Variants in CPXM2 observed in about 807,000 individuals in gnomAD.
CPXM2 encodes the protein inactive carboxypeptidase-like protein X2.
CPXM2 carries 66 observed loss-of-function variants against 86.1 expected under a neutral mutation model. The ratio of observed to expected loss-of-function variants is 0.77; its 90% CI spans 0.63 to 0.94. The LOEUF (loss-of-function observed/expected upper bound fraction) is 0.94. Among genes scored for constraint, CPXM2 ranks in the 40% least tolerant of loss-of-function variants. The pLI, the probability that CPXM2 is intolerant of heterozygous loss-of-function variation, is 0.00. For synonymous variants in CPXM2, 388 were observed against 400.2 expected (o/e 0.97, Z 0.36); for missense variants, 948 against 1,026.3 (o/e 0.92, Z 1.04).
intron 2 of CPXM2, among the ~76,000 whole-genome samples, chr10:123,905,578 C>G (rs1470498409): frequency 6.6e-6 from 1 of 152,162 alleles, no homozygotes; most frequent in Non-Finnish European, 1.5e-5. Flanking sequence ...GAGGGATGGC[C>G]CAACCCAGCA....
intron 13 of CPXM2, among the ~76,000 whole-genome samples, chr10:123,749,725 C>A (rs1846034002): frequency 6.6e-6 from 1 of 152,260 alleles, no homozygotes; most frequent in Non-Finnish European, 1.5e-5. Context: ...GTTCCCAACT[C>A]CTGTGCCAGG....
chr10:123,845,994 A>G (rs1453823317), intron 3 of CPXM2, among the ~76,000 whole-genome samples: 1 of 152,152 alleles, frequency 6.6e-6, no homozygotes, highest in African/African-American at 2.4e-5. Flanking sequence ...ATCAATCATG[A>G]TGGCAAAATA....
Position 123,792,809 on chromosome 10 carries a change from T to C in CPXM2, c.889+5167A>G, listed in dbSNP as rs182265816. 6.6e-5 allele frequency among the ~76,000 whole-genome samples: 10 copies of C among 152,264 alleles called. No homozygotes were observed. In the East Asian group the frequency reaches 1.2e-3, roughly 18 times the overall value. Reference sequence around the variant, plus strand: ...CAGAAGGTCTGTTATCCCCACACCTTCTGCAATACTCATGCACACAAATCG... The same window carrying C: ...CAGAAGGTCTGTTATCCCCACACCTCCTGCAATACTCATGCACACAAATCG... On this transcript the variant is annotated intron_variant, in intron 6 of 13. Transcript: ENST00000241305.
chr10:123,825,056 A>G (rs1272151911), intron 4 of CPXM2, among the ~76,000 whole-genome samples: 2 of 152,222 alleles, frequency 1.3e-5, no homozygotes, highest in Admixed American at 1.3e-4. Flanking sequence ...GAAATTCCGA[A>G]AAGACCAGAA....
At chr10:123,797,308 T>C (rs7079993) in intron 6 of CPXM2, among the ~76,000 whole-genome samples, 21,635 of 152,268 alleles carry the variant, frequency 0.14, 2,515 homozygotes, top group African/African-American at 0.33. Context: ...TGTAATGGTA[T>C]CTGCCAATGA....
chr10:123,891,854 C>T (rs946234809), upstream of CPXM2: 41 of 161,908 alleles, frequency 2.5e-4, no homozygotes, highest in African/African-American at 9.4e-4. The surrounding 1 kb of genome is among the most constrained non-coding windows in gnomAD (Gnocchi z 5.6). Flanking sequence ...CGGACAGGGG[C>T]GCGCAGAGGC....
chr10:123,927,852 A>G (rs1276592057), intron 2 of CPXM2, among the ~76,000 whole-genome samples: 1 of 152,120 alleles, frequency 6.6e-6, no homozygotes, highest in East Asian at 1.9e-4. Flanking sequence ...AAGATATCCA[A>G]TCTCGTTTCC....
In CPXM2 at chr10:123,768,651, G is replaced by C. The variant is rs1327378582; in HGVS notation, c.1174C>G (p.Leu392Val). The change falls in exon 9 of 14, where the codon CTG becomes GTG. Residue 392 changes from leucine (L) to valine (V), a missense_variant. By Grantham distance (32) the Leu-to-Val change is conservative. Coordinates refer to ENST00000241305, the MANE Select transcript of CPXM2 (RefSeq NM_198148.3). ...EVLGRELLLL[L>V]VQFVCQEYLA... ...TACTCCTGACACACGAACTGCACCA[G>C]CAGCAGCAGCAGCTCCCGGCCCAGC... 2.5e-6 allele frequency: 4 copies of C among 1,594,428 alleles called. No homozygotes were observed. The highest frequency in any genetic ancestry group is 3.4e-6 in the Non-Finnish European group (4 of 1,167,408).
chr10:123,838,836 G>A (rs1039254627), intron 4 of CPXM2, among the ~76,000 whole-genome samples: 2 of 152,230 alleles, frequency 1.3e-5, no homozygotes, highest in Non-Finnish European at 2.9e-5. Flanking sequence ...AGTAACCTGC[G>A]CAGACCACCC....
upstream of CPXM2, among the ~76,000 whole-genome samples, chr10:123,895,628 A>G (rs958404402): frequency 1.3e-5 from 2 of 152,172 alleles, no homozygotes; most frequent in Admixed American, 6.5e-5. Context: ...TTTGTTCTCA[A>G]TCTAATAATT....
intron 4 of CPXM2, among the ~76,000 whole-genome samples, chr10:123,824,667 G>T (rs932031713): frequency 1.3e-5 from 2 of 152,224 alleles, no homozygotes; most frequent in Non-Finnish European, 1.5e-5. Context: ...GCAGAACTGG[G>T]CTCAAAGACT....
chr10:123,922,761 G>T (rs560884643), intron 2 of CPXM2, among the ~76,000 whole-genome samples: 150 of 152,362 alleles, frequency 9.8e-4, no homozygotes, highest in South Asian at 4.3e-3. Flanking sequence ...AACATCTCCA[G>T]CTGCAGAATC....
rs192275907 is a variant in CPXM2 at position 123,863,545 on chromosome 10, T to C, written c.404-822A>G. 6.0e-4 allele frequency among the ~76,000 whole-genome samples: 91 copies of C among 152,312 alleles called. 1 individual carries two copies. Among genetic ancestry groups the C allele is most frequent in the South Asian group, 3.9e-3 (19 of 4,826 alleles). On this transcript the variant is annotated intron_variant, in intron 2 of 13. Coordinates refer to ENST00000241305, the MANE Select transcript of CPXM2 (RefSeq NM_198148.3). ...TCACACCTTCCAGGCCTGAAGGACA[T>C]GAATCTGACCCATGTGGTGGCAGTT...
chr10:123,766,725 T>C (rs367817982), intron 10 of CPXM2, among the ~76,000 whole-genome samples: 22 of 152,140 alleles, frequency 1.4e-4, no homozygotes, highest in African/African-American at 4.1e-4. Flanking sequence ...TCAGGGGAGA[T>C]TGTTTGGGTT....
chr10:123,773,568 T>A lies in CPXM2; in HGVS notation c.979-2529A>T, dbSNP rs1433145215. On this transcript the variant is annotated intron_variant, in intron 7 of 13. Coordinates refer to ENST00000241305, the MANE Select transcript of CPXM2 (RefSeq NM_198148.3). The stretch of plus-strand genomic sequence containing the variant: ...AATACATGTATCTTAATATCAACTT[T>A]TTCTCATAATTTAATGAGCATCTAC... Among the ~76,000 whole-genome samples, 8 of 152,340 alleles carry A rather than the reference T, an allele frequency of 5.3e-5. No individual in the cohort carries two copies. In the East Asian group the frequency reaches 1.5e-3, roughly 29 times the overall value.
intron 11 of CPXM2, among the ~76,000 whole-genome samples, chr10:123,757,644 A>T (rs539647412): frequency 2.1e-4 from 32 of 152,374 alleles, no homozygotes; most frequent in African/African-American, 7.5e-4. Flanking sequence ...AAAATACTTT[A>T]TTAAAGTAAA....
chr10:123,874,000 C>T (rs1444625671), intron 2 of CPXM2, among the ~76,000 whole-genome samples: 1 of 151,836 alleles, frequency 6.6e-6, no homozygotes, highest in Non-Finnish European at 1.5e-5. Flanking sequence ...GCTGGGACTA[C>T]AGGCATGCAT....
chr10:123,847,125 G>C (rs1034880632), intron 3 of CPXM2, among the ~76,000 whole-genome samples: 1 of 152,200 alleles, frequency 6.6e-6, no homozygotes, highest in Admixed American at 6.5e-5. Flanking sequence ...AGAGAGGAAA[G>C]GGGTGATAAA....
Position 123,754,790 on chromosome 10 carries a change from G to A in CPXM2, c.1918-28C>T. 1 of 1,315,750 alleles carries A rather than the reference G, an allele frequency of 7.6e-7. No individual in the cohort carries two copies. The highest frequency in any genetic ancestry group is 1.1e-6 in the Non-Finnish European group (1 of 907,674). 81.5% of individuals were successfully genotyped at this position (1,315,750 alleles called of 1,614,324 possible). A position where few individuals can be genotyped will look rare whatever the true frequency, so the allele number is the denominator to read the frequency against. ...GCTCAGCAAACATGAGACACAGGGT[G>A]AGGTCACCGACCAGCTCTGGACACA... On this transcript the variant is annotated intron_variant, in intron 12 of 13. Transcript: ENST00000241305. The surrounding 1 kb of genome is among the most constrained non-coding windows in gnomAD (Gnocchi z 4.0).
Sources: allele counts gnomAD v4.1 joint callset (sites outside exome capture counted in the v4.1 genomes callset), GRCh38; gene constraint gnomAD v4.1.1; non-coding constraint Gnocchi (gnomAD v3.1); transcripts MANE v1.5; gene names NCBI Gene and HGNC (gene_info 2026-07-23, HGNC 2026-07-21).